Variants in SPECC1L observed in about 807,000 individuals in gnomAD.
The protein encoded by SPECC1L is cytospin-A.
A neutral mutation model predicts 116.8 loss-of-function variants in SPECC1L; 40 were observed. The ratio of observed to expected loss-of-function variants is 0.34; its 90% CI spans 0.27 to 0.45. The LOEUF (loss-of-function observed/expected upper bound fraction) is 0.45. Ranked by LOEUF, SPECC1L falls within the 20% of genes least tolerant of loss-of-function variation. The probability of loss-of-function intolerance (pLI) is 1.00; values close to 1 mark genes in which losing one functional copy is unlikely to be tolerated. For synonymous variants in SPECC1L, 504 were observed against 500.6 expected (o/e 1.01, Z -0.09); for missense variants, 1,110 against 1,373.6 (o/e 0.81, Z 3.03).
chr22:24,344,600 A>C (rs973451545), intron 10 of SPECC1L, among the ~76,000 whole-genome samples: 4 of 150,878 alleles, frequency 2.7e-5, no homozygotes, highest in Non-Finnish European at 5.9e-5. Context: ...ACCAAAAAAA[A>C]AAAAAAAAAA....
rs114579570 is a variant in SPECC1L at position 24,392,086 on chromosome 22, A to G, written c.3088-19502A>G. 5.1e-3 allele frequency among the ~76,000 whole-genome samples: 775 copies of G among 152,338 alleles called. 4 individuals are homozygous for G. The highest frequency in any genetic ancestry group is 0.017 in the African/African-American group (726 of 41,590). ...CACATCTGCAAATCAGAAAGGTGCC[A>G]TGCTTGCCTAAGACCATACAATTGG... On this transcript the variant is annotated intron_variant, in intron 14 of 16. Coordinates refer to ENST00000314328, the MANE Select transcript of SPECC1L (RefSeq NM_015330.6).
chr22:24,278,418 A>G (rs1601483047), intron 2 of SPECC1L, among the ~76,000 whole-genome samples: 2 of 152,206 alleles, frequency 1.3e-5, no homozygotes, highest in South Asian at 4.1e-4. Context: ...TGTTTTCTTA[A>G]TTTCATACTT....
intron 13 of SPECC1L, 21 bp downstream of exon 13, chr22:24,365,653 A>G (rs760622781): frequency 2.5e-6 from 4 of 1,613,522 alleles, no homozygotes; most frequent in East Asian, 4.5e-5. Context: ...GTTAATATTC[A>G]TGCATTTCGT....
chr22:24,345,623 G>T (rs755259145), intron 10 of SPECC1L, among the ~76,000 whole-genome samples: 6 of 151,072 alleles, frequency 4.0e-5, no homozygotes, highest in Admixed American at 2.0e-4. Flanking sequence ...ATCCTTCCAG[G>T]AGAAGAATAC....
rs372024706 is a variant in SPECC1L at position 24,327,843 on chromosome 22, T to C, written c.2147-1003T>C. On this transcript the variant is annotated intron_variant, in intron 6 of 16. Transcript: ENST00000314328. ...AGTGGTCGAGACAGATGTGTCGAGA[T>C]GTGGTAATATTGGCGGCAACATGGT... 2.0e-4 allele frequency among the ~76,000 whole-genome samples: 30 copies of C among 152,256 alleles called. 1 individual carries two copies. The South Asian group carries it at 5.8e-3, about 29-fold the overall frequency.
intron 2 of SPECC1L, among the ~76,000 whole-genome samples, chr22:24,288,589 A>G (rs1372693047): frequency 6.8e-6 from 1 of 147,540 alleles, no homozygotes; most frequent in Non-Finnish European, 1.5e-5. Flanking sequence ...TAGTTTAGAA[A>G]GACTTCTCAA....
intron 10 of SPECC1L, chr22:24,343,675 T>G: frequency 4.4e-5 from 9 of 206,822 alleles, no homozygotes; most frequent in Non-Finnish European, 7.2e-5. Context: ...TGCCCAGGCT[T>G]GTCTCAAATT....
In SPECC1L at chr22:24,414,828, C is replaced by CGACG. The variant is rs932680919; in HGVS notation, c.*205_*206insGACG. On this transcript the variant is annotated 3_prime_UTR_variant, in exon 17 of 17. Coordinates refer to ENST00000314328, the MANE Select transcript of SPECC1L (RefSeq NM_015330.6). ...CCCACCAGGGCCCCTCCCACATGAC[C>CGACG]CGTCCATTCAGGTCATGTGGGCTCA... 3.3e-6 allele frequency: 2 copies of CGACG among 599,102 alleles called. No homozygotes were observed. The highest frequency in any genetic ancestry group is 1.8e-5 in the African/African-American group (1 of 54,226). The allele number at this position is 599,102 out of a possible 1,614,324, so 37.1% of individuals were successfully genotyped here. A position where few individuals can be genotyped will look rare whatever the true frequency, so the allele number is the denominator to read the frequency against.
At chr22:24,297,409 G>A (rs2049288373) in intron 2 of SPECC1L, among the ~76,000 whole-genome samples, 1 of 152,032 alleles carries the variant, frequency 6.6e-6, no homozygotes, top group Non-Finnish European at 1.5e-5. Context: ...TTTGTTCTTA[G>A]TTTTATTAAG....
intron 3 of SPECC1L, among the ~76,000 whole-genome samples, chr22:24,305,738 T>C (rs571374147): frequency 1.3e-5 from 2 of 152,326 alleles, no homozygotes; most frequent in East Asian, 3.9e-4. Flanking sequence ...TCAGCTTTAA[T>C]GTTATAGATA....
chr22:24,322,529 A>G lies in SPECC1L; in HGVS notation c.1549A>G (p.Ser517Gly). ...GCTTCTTGGTGTCCAGCAGCATTTA[A>G]GCAATACTTTGAAAATGGCAGAACA... ...EQLLGVQQHL[S>G]NTLKMAEQDN... Residue 517 changes from serine (S) to glycine (G), a missense_variant, in exon 5 of 17, where the codon AGC becomes GGC. Ser to Gly is a moderately conservative substitution (Grantham distance 56). Coordinates refer to ENST00000314328, the MANE Select transcript of SPECC1L (RefSeq NM_015330.6). 6.2e-7 allele frequency: 1 copy of G among 1,614,210 alleles called. No homozygotes were observed. Among genetic ancestry groups the G allele is most frequent in the Non-Finnish European group, 8.5e-7 (1 of 1,180,020 alleles).
At chr22:24,274,554 A>G (rs1285314450) in intron 1 of SPECC1L, among the ~76,000 whole-genome samples, 10 of 152,242 alleles carry the variant, frequency 6.6e-5, no homozygotes, top group Admixed American at 5.9e-4. Flanking sequence ...CTATTTTCAA[A>G]GAATAATTTG....
intron 12 of SPECC1L, 118 bp from the exon 13 acceptor site, chr22:24,365,358 T>C: frequency 1.1e-6 from 1 of 887,122 alleles, no homozygotes; most frequent in Non-Finnish European, 1.7e-6. Context: ...TTATCAATAT[T>C]AGTTTTTCCT....
At chr22:24,286,138 G>A (rs529669557) in intron 2 of SPECC1L, among the ~76,000 whole-genome samples, 19 of 152,120 alleles carry the variant, frequency 1.2e-4, no homozygotes, top group Non-Finnish European at 2.6e-4. Context: ...ATATAGTTTC[G>A]AAGGCTTAGA....
At position 24,338,493 on chromosome 22, in the gene SPECC1L, C is replaced by T. The variant is rs369213818; in HGVS notation, c.2652+16C>T. ...CCCTATGCAGGTGAGTGCCTGGAAC[C>T]ACAGGAGGCTCTTAGAGCCTCAGAA... is the stretch of plus-strand genomic sequence containing the variant. On this transcript the variant is annotated intron_variant, in intron 10 of 16. Transcript: ENST00000314328. 9 of 1,611,200 alleles carry T rather than the reference C, an allele frequency of 5.6e-6. No homozygotes were observed. In the African/African-American group the frequency reaches 1.2e-4, roughly 22 times the overall value.
chr22:24,272,784 A>G (rs1195659837), intron 1 of SPECC1L, among the ~76,000 whole-genome samples: 1 of 152,196 alleles, frequency 6.6e-6, no homozygotes, highest in Non-Finnish European at 1.5e-5. Context: ...GTTTCAATAA[A>G]TGGCTAATCC....
Position 24,330,311 on chromosome 22 carries a change from T to C in SPECC1L, c.2276T>C (p.Ile759Thr). ...GCTGATCTCCAGACTGCAGTAGTCATTGCAAATGACATTAAATCTGAAGCC... is the reference window on the plus strand; with the variant it reads ...GCTGATCTCCAGACTGCAGTAGTCACTGCAAATGACATTAAATCTGAAGCC... ...FQADLQTAVV[I>T]ANDIKSEAQE... Residue 759 changes from isoleucine (I) to threonine (T), a missense_variant, in exon 8 of 17, where the codon ATT (isoleucine) becomes ACT (threonine). Around this residue, in one of 4 missense-constraint regions of SPECC1L, gnomAD observed 575 missense variants for 682.4 expected, o/e 0.84. Coordinates refer to ENST00000314328, the MANE Select transcript of SPECC1L (RefSeq NM_015330.6). The C allele has an allele frequency of 6.2e-7, 1 of 1,614,140 alleles. No homozygotes were observed. Among genetic ancestry groups the C allele is most frequent in the Non-Finnish European group, 8.5e-7 (1 of 1,180,026 alleles).
intron 11 of SPECC1L, among the ~76,000 whole-genome samples, chr22:24,357,837 TCAGA>T (rs1001306777): frequency 7.2e-5 from 11 of 152,240 alleles, no homozygotes; most frequent in Admixed American, 2.6e-4. Flanking sequence ...GCATTTCATC[TCAGA>T]CAGAGAGCCT....
Position 24,411,580 on chromosome 22 carries a change from T to G in SPECC1L, c.3088-8T>G. On this transcript the variant is annotated splice_region_variant and splice_polypyrimidine_tract_variant and intron_variant, in intron 14 of 16. Coordinates refer to ENST00000314328, the MANE Select transcript of SPECC1L (RefSeq NM_015330.6). ...TGTTGGTTACATGTTTTTCTTCCTT[T>G]CCTTCAGAATATTGACATTACAAAC... The G allele has an allele frequency of 6.2e-7, 1 of 1,613,202 alleles. No homozygotes were observed. The highest frequency in any genetic ancestry group is 8.5e-7 in the Non-Finnish European group (1 of 1,179,154).
Sources: gnomAD v4.1 joint callset for allele counts (sites outside exome capture counted in the v4.1 genomes callset) on GRCh38, gnomAD v4.1.1 for gene constraint, gnomAD v4.1.1 regional missense constraint, MANE v1.5 for transcripts, NCBI Gene and HGNC (gene_info 2026-07-23, HGNC 2026-07-21) for gene names.